Variants in SLC25A6 observed in about 807,000 individuals in gnomAD.
The protein encoded by SLC25A6 is ADP/ATP translocase 3.
Under a neutral mutation model 25.7 loss-of-function variants are expected in SLC25A6, and 9 were observed. The ratio of observed to expected loss-of-function variants is 0.35; its 90% CI spans 0.21 to 0.61. The LOEUF (loss-of-function observed/expected upper bound fraction) is 0.61. Among genes scored for constraint, SLC25A6 ranks in the 20% least tolerant of loss-of-function variants. The probability of loss-of-function intolerance (pLI) is 0.76; values close to 1 mark genes in which losing one functional copy is unlikely to be tolerated. For synonymous variants in SLC25A6, 223 were observed against 197.0 expected, an observed-to-expected ratio of 1.13 and a Z score of -1.11; for missense variants, 404 against 440.5, an observed-to-expected ratio of 0.92 and a Z score of 0.74.
intron 2 of SLC25A6, 47 bp downstream of exon 2, chrX:1,389,194 G>C (rs1363676523): frequency 4.4e-6 from 7 of 1,586,352 alleles, no homozygotes; most frequent in Non-Finnish European, 5.2e-6. Flanking sequence ...GGGAACGTCT[G>C]TGTGTTGAGC....
intron 2 of SLC25A6, among the ~76,000 whole-genome samples, chrX:1,388,112 G>T (rs1338493220): frequency 6.7e-6 from 1 of 148,340 alleles, no homozygotes; most frequent in Non-Finnish European, 1.5e-5. Context: ...CACCTCATAA[G>T]AAGAGCAGAT....
chrX:1,390,982 A>C (rs2089399652), intron 1 of SLC25A6, among the ~76,000 whole-genome samples: 1 of 150,234 alleles, frequency 6.7e-6, no homozygotes, highest in Non-Finnish European at 1.5e-5. Flanking sequence ...GGCTGGTCTC[A>C]AACTCCCGGG....
rs1272465544 is a variant in SLC25A6 at position 1,389,656 on chromosome X, G to A, written c.183C>T (p.Ile61=). 6 of 1,613,970 alleles carry A rather than the reference G, an allele frequency of 3.7e-6. No individual in the cohort carries two copies. In the South Asian group the frequency reaches 4.4e-5, roughly 12 times the overall value. ...AGGACAGCACGCCCTGCTCCTTGGG[G>A]ATGCGGACAATGCAGTCCACGATGC... The part of the protein sequence containing the change: ...YKGIVDCIVR[I]PKEQGVLSFW... The change falls in exon 2 of 4, where the codon ATC becomes ATT. Residue 61 remains isoleucine, a synonymous_variant. Transcript: ENST00000381401.
At chrX:1,387,023 C>T (rs1170017596) in intron 3 of SLC25A6, among the ~76,000 whole-genome samples, 23 of 151,986 alleles carry the variant, frequency 1.5e-4, no homozygotes, top group African/African-American at 4.8e-4. Context: ...AAGGCAGGAT[C>T]GAGGGTGTGG....
chrX:1,387,810 AGGTCTTGAAAGAGGTAAGAC>A (rs1193691605), intron 2 of SLC25A6, among the ~76,000 whole-genome samples: 1 of 152,130 alleles, frequency 6.6e-6, no homozygotes, highest in African/African-American at 2.4e-5. Context: ...CTTGGATATA[AGGTCTTGAAAGAGGTAAGAC>A]TAAAGGAGGC....
intron 1 of SLC25A6, 29 bp downstream of exon 1, chrX:1,391,870 C>T (rs776220549): frequency 2.5e-5 from 39 of 1,539,796 alleles, no homozygotes; most frequent in Non-Finnish European, 3.2e-5. Flanking sequence ...GTCCCCTAGT[C>T]CCCGGAGCGG....
intron 2 of SLC25A6, among the ~76,000 whole-genome samples, 187 bp downstream of exon 2, chrX:1,389,050 CACAG>C (rs2089365698): frequency 6.6e-6 from 1 of 151,678 alleles, no homozygotes; most frequent in Non-Finnish European, 1.5e-5. Context: ...AGGATGAGGA[CACAG>C]ACACACACAG....
intron 1 of SLC25A6, 28 bp from the exon 2 acceptor site, chrX:1,389,755 A>G (rs564828706): frequency 6.2e-7 from 1 of 1,605,336 alleles, no homozygotes. Context: ...TGTTCAGACC[A>G]GACCCAGGGC....
chrX:1,389,387 T>G lies in SLC25A6; in HGVS notation c.452A>C (p.Glu151Ala), dbSNP rs1334793541. 6.2e-7 allele frequency: 1 copy of G among 1,613,756 alleles called. No individual in the cohort carries two copies. The highest frequency in any genetic ancestry group is 8.5e-7 in the Non-Finnish European group (1 of 1,179,862). ...LAADVGKSGT[E>A]REFRGLGDCL... is the part of the protein sequence containing the mutation. ...GTCTCCCAGGCCTCGGAACTCGCGC[T>G]CTGTGCCTGACTTTCCCACGTCCGC... The change falls in exon 2 of 4, where the codon GAG becomes GCG. Residue 151 changes from glutamate (E) to alanine (A), a missense_variant. By Grantham distance (107) the Glu-to-Ala change is moderately radical. Transcript: ENST00000381401.
At chrX:1,391,056 G>C (rs1209102568) in intron 1 of SLC25A6, among the ~76,000 whole-genome samples, 1 of 152,188 alleles carries the variant, frequency 6.6e-6, no homozygotes, top group Non-Finnish European at 1.5e-5. Flanking sequence ...CTGTTGCCCA[G>C]GCTGGTCTCA....
intron 3 of SLC25A6, among the ~76,000 whole-genome samples, chrX:1,386,973 C>T (rs1162099096): frequency 1.3e-5 from 2 of 152,108 alleles, no homozygotes; most frequent in Non-Finnish European, 2.9e-5. Context: ...CAGGCCCCGC[C>T]CTGGGTGTCC....
At chrX:1,387,772 C>G (rs1397049735) in intron 2 of SLC25A6, among the ~76,000 whole-genome samples, 5 of 152,146 alleles carry the variant, frequency 3.3e-5, no homozygotes, top group African/African-American at 1.2e-4. Flanking sequence ...GTCCCACCCC[C>G]ACCCCAGGAC....
chrX:1,390,953 G>T (rs1395203089), intron 1 of SLC25A6, among the ~76,000 whole-genome samples: 2 of 151,818 alleles, frequency 1.3e-5, no homozygotes, highest in Non-Finnish European at 2.9e-5. Flanking sequence ...TTAGAGATGG[G>T]GTCTTGCTAT....
chrX:1,387,099 A>C (rs1198579741), intron 3 of SLC25A6, among the ~76,000 whole-genome samples, 180 bp downstream of exon 3: 1 of 152,108 alleles, frequency 6.6e-6, no homozygotes, highest in African/African-American at 2.4e-5. Flanking sequence ...AACCCCAAAA[A>C]GATCAGAAGC....
At chrX:1,389,110 T>G (rs1315568416) in intron 2 of SLC25A6, 131 bp downstream of exon 2, 14 of 921,124 alleles carry the variant, frequency 1.5e-5, no homozygotes, top group Non-Finnish European at 2.2e-5. Context: ...CGTCTCCAAG[T>G]CCAGGAGAGA....
intron 1 of SLC25A6, among the ~76,000 whole-genome samples, chrX:1,391,596 C>T (rs1460966196): frequency 6.6e-6 from 1 of 152,320 alleles, no homozygotes; most frequent in South Asian, 2.1e-4. Context: ...GGATTGAGCT[C>T]AAGGTCAAGG....
rs1165109565 is a variant in SLC25A6, at chrX:1,391,816, G to T, written c.111+83C>A. On this transcript the variant is annotated intron_variant, in intron 1 of 3. Coordinates refer to ENST00000381401, the MANE Select transcript of SLC25A6 (RefSeq NM_001636.4). ...TCCACTTCCGGCGCCCGCCTGCAAG[G>T]CTCTGCTGCCCACGTCCCCGCCCGA... is the stretch of plus-strand genomic sequence containing the variant. The T allele has an allele frequency of 2.4e-5, 26 of 1,097,302 alleles. 1 individual carries two copies. The South Asian group carries it at 3.6e-4, about 15-fold the overall frequency. 68.0% of individuals were successfully genotyped at this position (1,097,302 alleles called of 1,614,324 possible). A position where few individuals can be genotyped will look rare whatever the true frequency, so the allele number is the denominator to read the frequency against.
intron 2 of SLC25A6, among the ~76,000 whole-genome samples, 190 bp from the exon 3 acceptor site, chrX:1,387,609 G>A (rs2149239079): frequency 6.8e-6 from 1 of 146,352 alleles, no homozygotes; most frequent in East Asian, 2.9e-4. Flanking sequence ...AGGGCCAGAG[G>A]GGAAAAGGCC....
chrX:1,387,262 C>A lies in SLC25A6; in HGVS notation c.739+17G>T. The A allele has an allele frequency of 1.9e-6, 3 of 1,609,164 alleles. No homozygotes were observed. The highest frequency in any genetic ancestry group is 2.5e-6 in the Non-Finnish European group (3 of 1,177,750). ...TTCCCCTTCCCGGCAGCAAGGGTCC[C>A]CCGCCCCCCCGAGTACCTCCTTTGC... On this transcript the variant is annotated intron_variant, in intron 3 of 3. Coordinates refer to ENST00000381401, the MANE Select transcript of SLC25A6 (RefSeq NM_001636.4).
Sources: allele counts gnomAD v4.1 joint callset (sites outside exome capture counted in the v4.1 genomes callset), GRCh38; gene constraint gnomAD v4.1.1; transcripts MANE v1.5; gene names NCBI Gene and HGNC (gene_info 2026-07-23, HGNC 2026-07-21).